The following FHAD1 variants were observed in gnomAD, a reference collection of about 807,000 sequenced individuals.
FHAD1 encodes forkhead-associated domain-containing protein 1.
Under a neutral mutation model 191.3 loss-of-function variants are expected in FHAD1, and 146 were observed. The observed-to-expected ratio is 0.76, with a 90% confidence interval of 0.67 to 0.88. FHAD1 has a LOEUF of 0.88. Among genes scored for constraint, FHAD1 ranks in the 40% least tolerant of loss-of-function variants. The probability of loss-of-function intolerance (pLI) is 0.00; values close to 1 mark genes in which losing one functional copy is unlikely to be tolerated. For missense variants in FHAD1, 1,635 were observed against 1,785.8 expected, an observed-to-expected ratio of 0.92 and a Z score of 1.52; for synonymous variants, 616 against 672.3, an observed-to-expected ratio of 0.92 and a Z score of 1.29.
chr1:15,380,429 C>T (rs1000453027), intron 28 of FHAD1, among the ~76,000 whole-genome samples: 2 of 152,170 alleles, frequency 1.3e-5, no homozygotes, highest in African/African-American at 4.8e-5. Context: ...CAATTGAGAA[C>T]CACTGTTCTA....
intron 3 of FHAD1, among the ~76,000 whole-genome samples, chr1:15,280,089 GGTT>G (rs1193395537): frequency 1.3e-5 from 2 of 152,118 alleles, no homozygotes; most frequent in Non-Finnish European, 2.9e-5. Flanking sequence ...CAGAGTTGGG[GGTT>G]TAGTCATCCA....
chr1:15,358,334 T>G, intron 21 of FHAD1, 51 bp downstream of exon 21: 1 of 1,490,948 alleles, frequency 6.7e-7, no homozygotes, highest in Non-Finnish European at 9.0e-7. Flanking sequence ...AATGGAAGAT[T>G]ACAGTGCCAC....
intron 20 of FHAD1, among the ~76,000 whole-genome samples, chr1:15,354,058 T>A (rs1486349836): frequency 6.6e-6 from 1 of 152,156 alleles, no homozygotes; most frequent in African/African-American, 2.4e-5. Context: ...AATTTAAATA[T>A]AGGTGACTAT....
chr1:15,316,628 A>T lies in FHAD1; in HGVS notation c.1260+161A>T, dbSNP rs1674547799. On this transcript the variant is annotated intron_variant, in intron 9 of 33. Transcript: ENST00000688493. The surrounding 1 kb of genome is among the most constrained non-coding windows in gnomAD (Gnocchi z 4.3). ...TGCTCTTTGATCTGCTGCTTCTGCA[A>T]GAAAGAGATGGGTGAAGGGGCCCCA... is the stretch of plus-strand genomic sequence containing the variant. Among the ~76,000 whole-genome samples, 1 of 152,148 alleles carries T rather than the reference A, an allele frequency of 6.6e-6. No homozygotes were observed. The highest frequency in any genetic ancestry group is 1.5e-5 in the Non-Finnish European group (1 of 68,026).
At chr1:15,240,951 T>C (rs6688667) in intron 1 of FHAD1, among the ~76,000 whole-genome samples, 120,462 of 140,822 alleles carry the variant, frequency 0.86, 51,560 homozygotes, top group East Asian at 0.95. Context: ...AGCGAGACTC[T>C]ATCTCAAAAA....
In FHAD1 at chr1:15,365,943, AT is replaced by A; in HGVS notation, c.3154+13del. On this transcript the variant is annotated intron_variant, in intron 24 of 33. Transcript: ENST00000688493. ...ATGTCGGATTTGAGAGGTTTGAACAATTTCTGGTGTCTCTTGACCTCCTGAC... is the reference window on the plus strand; with the variant it reads ...ATGTCGGATTTGAGAGGTTTGAACAATTCTGGTGTCTCTTGACCTCCTGAC... The A allele has an allele frequency of 6.5e-7, 1 of 1,531,660 alleles. No individual in the cohort carries two copies. Among genetic ancestry groups the A allele is most frequent in the Non-Finnish European group, 8.9e-7 (1 of 1,128,910 alleles). The allele number at this position is 1,531,660 out of a possible 1,614,324, so 94.9% of individuals were successfully genotyped here. A position where few individuals can be genotyped will look rare whatever the true frequency, so the allele number is the denominator to read the frequency against.
intron 2 of FHAD1, among the ~76,000 whole-genome samples, chr1:15,268,569 A>T (rs954878133): frequency 4.3e-5 from 6 of 138,774 alleles, no homozygotes; most frequent in Non-Finnish European, 9.4e-5. Context: ...AGGAATCGCC[A>T]CACTGACTTC....
intron 20 of FHAD1, among the ~76,000 whole-genome samples, chr1:15,356,202 G>C (rs1270731220): frequency 6.6e-6 from 1 of 152,226 alleles, no homozygotes; most frequent in Non-Finnish European, 1.5e-5. Flanking sequence ...TAAGCATAGA[G>C]TTTATTCGAG....
In FHAD1 at chr1:15,324,530, A is replaced by G. The variant is rs1267367385; in HGVS notation, c.1444A>G (p.Lys482Glu). Reference protein sequence around the residue: ...QEMGNRESVIKINLERAVGQL... With the variant: ...QEMGNRESVIEINLERAVGQL... ...AATGGGGAACAGAGAGAGCGTCATT[A>G]AAATCAATTTGGAGAGGGCAGTAGG... Residue 482 changes from lysine to glutamate, a missense_variant, in exon 11 of 34, where the codon AAA (lysine) becomes GAA (glutamate). Lys to Glu is a moderately conservative substitution (Grantham distance 56). Coordinates refer to ENST00000688493, the MANE Select transcript of FHAD1 (RefSeq NM_001391957.1). 6.4e-7 allele frequency: 1 copy of G among 1,551,972 alleles called. No homozygotes were observed. The highest frequency in any genetic ancestry group is 2.4e-5 in the East Asian group (1 of 40,920).
At chr1:15,393,513 C>T (rs1704910009) in intron 33 of FHAD1, among the ~76,000 whole-genome samples, 1 of 151,220 alleles carries the variant, frequency 6.6e-6, no homozygotes, top group East Asian at 1.9e-4. Context: ...TCTCAGGGGG[C>T]GAGGTTGATA....
At chr1:15,379,751 C>T (rs1172494458) in intron 28 of FHAD1, among the ~76,000 whole-genome samples, 1 of 152,234 alleles carries the variant, frequency 6.6e-6, no homozygotes, top group Non-Finnish European at 1.5e-5. Context: ...AAGGAGCATG[C>T]TGCCTTCAAG....
At chr1:15,361,663 G>A (rs1202526893) in intron 22 of FHAD1, among the ~76,000 whole-genome samples, 3 of 152,178 alleles carry the variant, frequency 2.0e-5, no homozygotes, top group African/African-American at 7.2e-5. Flanking sequence ...AGGACAAAGA[G>A]TGGAGTTCAG....
intron 19 of FHAD1, 95 bp downstream of exon 19, chr1:15,349,244 T>C (rs1186072796): frequency 6.2e-6 from 6 of 966,848 alleles, no homozygotes; most frequent in Non-Finnish European, 9.5e-6. Flanking sequence ...ATCAGAGCCA[T>C]GCCTCCCTTT....
chr1:15,381,637 G>A lies in FHAD1; in HGVS notation c.4022+186G>A, dbSNP rs1187853783. ...GCCTGGTAGAGGGAATTCTGTCCCC[G>A]AGATCACGGCTGCAGAAGTGCACGG... On this transcript the variant is annotated intron_variant, in intron 30 of 33. Coordinates refer to ENST00000688493, the MANE Select transcript of FHAD1 (RefSeq NM_001391957.1). The surrounding 1 kb of genome is among the most constrained non-coding windows in gnomAD (Gnocchi z 4.6). 6.6e-6 allele frequency among the ~76,000 whole-genome samples: 1 copy of A among 152,096 alleles called. No individual in the cohort carries two copies. The highest frequency in any genetic ancestry group is 1.9e-4 in the East Asian group (1 of 5,168).
upstream of FHAD1, among the ~76,000 whole-genome samples, chr1:15,247,093 G>A (rs1413962847): frequency 6.6e-6 from 1 of 152,246 alleles, no homozygotes. Context: ...GTGAAATGGG[G>A]CAGGCTCGTG....
In FHAD1 at chr1:15,325,332, T is replaced by C. The variant is rs34214489; in HGVS notation, c.1473+773T>C. ...GTTTGCACACACACGTGTGTGTGCG[T>C]GTGTGTGTGTGTATTACTGGGAAGG... is the stretch of plus-strand genomic sequence containing the variant. On this transcript the variant is annotated intron_variant, in intron 11 of 33. Transcript: ENST00000688493. The surrounding 1 kb of genome is among the most constrained non-coding windows in gnomAD (Gnocchi z 4.6). 0.035 allele frequency: 5,293 copies of C among 151,086 alleles called. 132 individuals are homozygous for C. Among genetic ancestry groups the C allele is most frequent in the South Asian group, 0.066 (313 of 4,756 alleles). 9.4% of individuals were successfully genotyped at this position (151,086 alleles called of 1,614,324 possible). A position where few individuals can be genotyped will look rare whatever the true frequency, so the allele number is the denominator to read the frequency against.
At chr1:15,365,148 C>T (rs1488879154) in intron 23 of FHAD1, among the ~76,000 whole-genome samples, 2 of 152,070 alleles carry the variant, frequency 1.3e-5, no homozygotes, top group African/African-American at 2.4e-5. Context: ...TTTTTTCTTC[C>T]CTGTCCCCAA....
downstream of FHAD1, among the ~76,000 whole-genome samples, chr1:15,399,076 C>T (rs929051134): frequency 4.6e-5 from 7 of 152,152 alleles, no homozygotes; most frequent in Admixed American, 6.5e-5. Flanking sequence ...CCCACCTTGG[C>T]GTCCCAAAGT....
Position 15,327,154 on chromosome 1 carries a change from G to C in FHAD1, c.1557+12G>C. 2.6e-6 allele frequency: 4 copies of C among 1,540,728 alleles called. No homozygotes were observed. The highest frequency in any genetic ancestry group is 3.5e-6 in the Non-Finnish European group (4 of 1,137,636). The stretch of plus-strand genomic sequence containing the variant: ...TCACCGACCAACAGGTTAGTCTGCC[G>C]TCCCTGCCACGTGGCTCCTTCACTT... On this transcript the variant is annotated intron_variant, in intron 12 of 33. Coordinates refer to ENST00000688493, the MANE Select transcript of FHAD1 (RefSeq NM_001391957.1). This position sits in a 1 kb window ranked among gnomAD's most constrained non-coding sequence, Gnocchi z 5.1.
Sources: allele counts gnomAD v4.1 joint callset (sites outside exome capture counted in the v4.1 genomes callset), GRCh38; gene constraint gnomAD v4.1.1; non-coding constraint Gnocchi (gnomAD v3.1); transcripts MANE v1.5; gene names NCBI Gene and HGNC (gene_info 2026-07-23, HGNC 2026-07-21).